DMRT1: variants seen among roughly 807,000 people sequenced by gnomAD.
DMRT1 encodes doublesex- and mab-3-related transcription factor 1.
A neutral mutation model predicts 32.3 loss-of-function variants in DMRT1; 7 were observed. The ratio of observed to expected loss-of-function variants is 0.22; its 90% CI spans 0.12 to 0.41. The LOEUF (loss-of-function observed/expected upper bound fraction) is 0.41. Ranked by LOEUF, DMRT1 falls within the 10% of genes least tolerant of loss-of-function variation. The pLI is 1.00. For synonymous variants in DMRT1, 278 were observed against 206.1 expected (o/e 1.35, Z -2.99); for missense variants, 625 against 500.5 (o/e 1.25, Z -2.37).
At position 935,776 on chromosome 9, in the gene DMRT1, G is replaced by A. The variant is rs1474018540; in HGVS notation, c.967+18869G>A. On this transcript the variant is annotated intron_variant, in intron 4 of 4. Coordinates refer to ENST00000382276, the MANE Select transcript of DMRT1 (RefSeq NM_021951.3). The stretch of plus-strand genomic sequence containing the variant: ...ATCAGAACTGTTTATATCCATCCAA[G>A]TGGTCTTTTGAGTATAAATGACTTT... Among the ~76,000 whole-genome samples the A allele has an allele frequency of 2.6e-5, 4 of 152,176 alleles. No individual in the cohort carries two copies. The East Asian group carries it at 7.7e-4, about 29-fold the overall frequency.
At chr9:904,040 C>T (rs966459786) in intron 3 of DMRT1, among the ~76,000 whole-genome samples, 7 of 152,342 alleles carry the variant, frequency 4.6e-5, no homozygotes, top group Non-Finnish European at 7.3e-5. Flanking sequence ...CCAGGGACTA[C>T]TTCACAATTG....
At position 942,510 on chromosome 9, in the gene DMRT1, T is replaced by C. The variant is rs1819109593; in HGVS notation, c.968-25475T>C. On this transcript the variant is annotated intron_variant, in intron 4 of 4. Coordinates refer to ENST00000382276, the MANE Select transcript of DMRT1 (RefSeq NM_021951.3). ...CTGGTCTTGAACTCCTGAGCTCAAG[T>C]GATCTGCTTGCCTTGGCCTCCCAAG... 2.0e-5 allele frequency among the ~76,000 whole-genome samples: 3 copies of C among 152,336 alleles called. No individual in the cohort carries two copies. The South Asian group carries it at 6.2e-4, about 32-fold the overall frequency.
In DMRT1 at chr9:841,763, C is replaced by T. The variant is rs1180356155; in HGVS notation, c.-76C>T. On this transcript the variant is annotated 5_prime_UTR_variant, in exon 1 of 5. Coordinates refer to ENST00000382276, the MANE Select transcript of DMRT1 (RefSeq NM_021951.3). Reference sequence around the variant, plus strand: ...GCCTCCTCCTCCGGAGCGTCGCTGTCCGTCGGGTTCATCCCTCGCAGCAGT... The same window carrying T: ...GCCTCCTCCTCCGGAGCGTCGCTGTTCGTCGGGTTCATCCCTCGCAGCAGT... 5.2e-6 allele frequency: 8 copies of T among 1,552,060 alleles called. No homozygotes were observed. The East Asian group carries it at 9.7e-5, about 19-fold the overall frequency.
At chr9:844,808 C>T (rs566008390) in intron 1 of DMRT1, among the ~76,000 whole-genome samples, 103 of 151,572 alleles carry the variant, frequency 6.8e-4, no homozygotes, top group Admixed American at 3.9e-4. Context: ...GCAACCTCCG[C>T]CTCCTGGGTT....
At chr9:907,732 G>GTA (rs1395812116) in intron 3 of DMRT1, among the ~76,000 whole-genome samples, 1 of 151,914 alleles carries the variant, frequency 6.6e-6, no homozygotes, top group Non-Finnish European at 1.5e-5. Context: ...TACCCAAATT[G>GTA]TATATGCAAT....
chr9:897,384 G>A (rs889201396), intron 3 of DMRT1, among the ~76,000 whole-genome samples: 6 of 151,882 alleles, frequency 4.0e-5, no homozygotes, highest in Non-Finnish European at 8.8e-5. Context: ...CCAAAGTGCT[G>A]GGATTACAGG....
chr9:853,476 T>A (rs1003765180), intron 2 of DMRT1, among the ~76,000 whole-genome samples: 4 of 134,768 alleles, frequency 3.0e-5, no homozygotes, highest in South Asian at 2.2e-4. Context: ...ATTTAATTAA[T>A]TTTTTTTTTT....
At chr9:843,387 G>A (rs948697118) in intron 1 of DMRT1, among the ~76,000 whole-genome samples, 1 of 152,214 alleles carries the variant, frequency 6.6e-6, no homozygotes, top group African/African-American at 2.4e-5. Flanking sequence ...TGAGAGCTCT[G>A]GAAATTTTAT....
Position 957,010 on chromosome 9 carries a change from T to G in DMRT1, c.968-10975T>G, listed in dbSNP as rs528336915. Among the ~76,000 whole-genome samples, 9 of 152,368 alleles carry G rather than the reference T, an allele frequency of 5.9e-5. No individual in the cohort carries two copies. In the South Asian group the frequency reaches 1.7e-3, roughly 28 times the overall value. ...GTGCAGGTTTGTTACGTCAGCATATTGCATGAAGCTGAGGCTTGGGGTATG... is the reference window on the plus strand; with the variant it reads ...GTGCAGGTTTGTTACGTCAGCATATGGCATGAAGCTGAGGCTTGGGGTATG... On this transcript the variant is annotated intron_variant, in intron 4 of 4. Coordinates refer to ENST00000382276, the MANE Select transcript of DMRT1 (RefSeq NM_021951.3).
At chr9:850,985 T>C (rs1229272040) in intron 2 of DMRT1, among the ~76,000 whole-genome samples, 2 of 139,748 alleles carry the variant, frequency 1.4e-5, no homozygotes, top group Admixed American at 1.6e-4. Context: ...GCTGAGATTG[T>C]GCCATTGCAC....
intron 2 of DMRT1, among the ~76,000 whole-genome samples, chr9:889,128 C>T (rs983981505): frequency 1.3e-5 from 2 of 151,994 alleles, no homozygotes; most frequent in Admixed American, 6.6e-5. Flanking sequence ...CCACACTGTG[C>T]GAACCATTGG....
At chr9:959,987 C>T (rs1375607035) in intron 4 of DMRT1, among the ~76,000 whole-genome samples, 1 of 152,244 alleles carries the variant, frequency 6.6e-6, no homozygotes, top group East Asian at 1.9e-4. Flanking sequence ...CTGTGCTGGA[C>T]ATGGACAATG....
At chr9:866,040 T>G (rs1326290677) in intron 2 of DMRT1, among the ~76,000 whole-genome samples, 2 of 151,486 alleles carry the variant, frequency 1.3e-5, no homozygotes, top group East Asian at 1.9e-4. Context: ...GGTGGGTGCC[T>G]GTAATCCCAG....
intron 4 of DMRT1, among the ~76,000 whole-genome samples, chr9:934,225 A>C (rs1327985690): frequency 6.6e-6 from 1 of 152,216 alleles, no homozygotes; most frequent in Non-Finnish European, 1.5e-5. Flanking sequence ...GAAGATGTGC[A>C]CATATTTTCT....
At position 841,842 on chromosome 9, in the gene DMRT1, C is replaced by T; in HGVS notation, c.4C>T (p.Pro2Ser). 1 of 1,610,838 alleles carries T rather than the reference C, an allele frequency of 6.2e-7. No homozygotes were observed. The highest frequency in any genetic ancestry group is 2.2e-5 in the East Asian group (1 of 44,778). Residue 2 changes from proline (P) to serine (S), a missense_variant, in exon 1 of 5, where the codon CCC (proline) becomes TCC (serine). Coordinates refer to ENST00000382276, the MANE Select transcript of DMRT1 (RefSeq NM_021951.3). ...TCGCACTTCTCCTAGGGGCACCATG[C>T]CCAACGACGAGGCATTCAGCAAGCC... is the stretch of plus-strand genomic sequence containing the variant. M[P>S]NDEAFSKPST...
At chr9:942,194 C>G (rs532254187) in intron 4 of DMRT1, among the ~76,000 whole-genome samples, 1 of 152,122 alleles carries the variant, frequency 6.6e-6, no homozygotes, top group East Asian at 1.9e-4. Flanking sequence ...TTTTCTGTTT[C>G]TTTTATGGTA....
At chr9:873,442 A>G (rs1816360885) in intron 2 of DMRT1, among the ~76,000 whole-genome samples, 1 of 151,028 alleles carries the variant, frequency 6.6e-6, no homozygotes, top group Admixed American at 6.6e-5. Context: ...AGTAGCTGGG[A>G]TTACAGGTGC....
At chr9:881,359 C>G (rs1007315283) in intron 2 of DMRT1, among the ~76,000 whole-genome samples, 7 of 152,218 alleles carry the variant, frequency 4.6e-5, no homozygotes, top group African/African-American at 1.7e-4. Context: ...AATTCGGTTT[C>G]TTAATTGTAT....
At chr9:881,057 G>A (rs968910062) in intron 2 of DMRT1, among the ~76,000 whole-genome samples, 4 of 152,070 alleles carry the variant, frequency 2.6e-5, no homozygotes, top group African/African-American at 9.7e-5. Flanking sequence ...ATTGCGGGAG[G>A]CTGTCACGCA....
Sources: gnomAD v4.1 joint callset for allele counts (sites outside exome capture counted in the v4.1 genomes callset) on GRCh38, gnomAD v4.1.1 for gene constraint, MANE v1.5 for transcripts, NCBI Gene and HGNC (gene_info 2026-07-23, HGNC 2026-07-21) for gene names.